TAF2: variants seen among roughly 807,000 people sequenced by gnomAD.
TAF2 encodes the protein transcription initiation factor TFIID subunit 2.
TAF2 carries 61 observed loss-of-function variants against 138.5 expected under a neutral mutation model. The ratio of observed to expected loss-of-function variants is 0.44; its 90% CI spans 0.36 to 0.54. TAF2 has a LOEUF of 0.54. Ranked by LOEUF, TAF2 falls within the 20% of genes least tolerant of loss-of-function variation. TAF2 has a pLI of 0.00. For missense variants in TAF2, 1,090 were observed against 1,427.9 expected, an observed-to-expected ratio of 0.76 and a Z score of 3.81; for synonymous variants, 475 against 469.9, an observed-to-expected ratio of 1.01 and a Z score of -0.14.
rs7003687 is a variant in TAF2 at position 119,819,616 on chromosome 8, T to C, written c.139-110A>G. 3.1e-4 allele frequency: 266 copies of C among 846,988 alleles called. 2 individuals are homozygous for C. In the East Asian group the frequency reaches 5.7e-3, roughly 18 times the overall value. The allele number at this position is 846,988 out of a possible 1,614,324, so 52.5% of individuals were successfully genotyped here. A position where few individuals can be genotyped will look rare whatever the true frequency, so the allele number is the denominator to read the frequency against. ...TATTATACTACAGAGACAAAATCCC[T>C]AATAGCTACATACATACATATGCTC... On this transcript the variant is annotated intron_variant, in intron 2 of 25. Coordinates refer to ENST00000378164, the MANE Select transcript of TAF2 (RefSeq NM_003184.4).
At chr8:119,821,034 T>C (rs1020140074) in intron 2 of TAF2, among the ~76,000 whole-genome samples, 2 of 148,870 alleles carry the variant, frequency 1.3e-5, no homozygotes, top group Admixed American at 6.7e-5. Context: ...ATTAAAGAAG[T>C]ACTGTCAACT....
chr8:119,822,169 T>C (rs1825840612), intron 2 of TAF2, among the ~76,000 whole-genome samples: 1 of 152,128 alleles, frequency 6.6e-6, no homozygotes, highest in African/African-American at 2.4e-5. Context: ...TGCTTCTTCA[T>C]TAATATCTAT....
intron 22 of TAF2, among the ~76,000 whole-genome samples, chr8:119,748,750 C>T (rs1171414654): frequency 6.6e-6 from 1 of 152,004 alleles, no homozygotes; most frequent in East Asian, 1.9e-4. Context: ...TTATCAGATT[C>T]CTGGGGCTTC....
At chr8:119,777,744 CAAATCTGATGTACT>C (rs1222305142) in intron 18 of TAF2, among the ~76,000 whole-genome samples, 1 of 152,088 alleles carries the variant, frequency 6.6e-6, no homozygotes, top group Non-Finnish European at 1.5e-5. Flanking sequence ...CTGGCTACCC[CAAATCTGATGTACT>C]ACTCTCTCCA....
intron 18 of TAF2, among the ~76,000 whole-genome samples, chr8:119,773,020 T>C (rs1396980189): frequency 6.7e-6 from 1 of 149,590 alleles, no homozygotes; most frequent in Non-Finnish European, 1.5e-5. Context: ...GTACCAAGAA[T>C]GTACTAAGCA....
chr8:119,767,881 T>C (rs894667049), intron 18 of TAF2, among the ~76,000 whole-genome samples: 3 of 152,158 alleles, frequency 2.0e-5, no homozygotes, highest in African/African-American at 7.2e-5. Context: ...GACCTGCCCT[T>C]TGGCTCCTGC....
intron 2 of TAF2, among the ~76,000 whole-genome samples, chr8:119,826,725 G>C (rs1406184726): frequency 3.3e-5 from 5 of 151,932 alleles, no homozygotes; most frequent in Non-Finnish European, 5.9e-5. Context: ...TGAGTAGCTG[G>C]GATTACAGGC....
In TAF2 at chr8:119,756,074, G is replaced by A. The variant is rs371910702; in HGVS notation, c.2810C>T (p.Thr937Ile). The A allele has an allele frequency of 4.3e-6, 7 of 1,613,502 alleles. No homozygotes were observed. The African/African-American group carries it at 8.0e-5, about 18-fold the overall frequency. ...GCATAAGGGAGACTCCATGTTCTTA[G>A]TAAATGGTGGGTTCTTAGTCAACAT... ...LNMLTKNPPFTKNMESPLCNE... is the reference protein window; with the variant it reads ...LNMLTKNPPFIKNMESPLCNE... The change falls in exon 22 of 26, where the codon ACT becomes ATT. Residue 937 changes from threonine to isoleucine, a missense_variant. Physicochemically the swap from Thr to Ile is moderately conservative, Grantham distance 89. Around this residue, in one of 3 missense-constraint regions of TAF2, gnomAD observed 580 missense variants for 719.6 expected, o/e 0.81. Coordinates refer to ENST00000378164, the MANE Select transcript of TAF2 (RefSeq NM_003184.4).
At chr8:119,815,593 A>G (rs1825406979) in intron 3 of TAF2, among the ~76,000 whole-genome samples, 1 of 152,140 alleles carries the variant, frequency 6.6e-6, no homozygotes, top group Non-Finnish European at 1.5e-5. Flanking sequence ...GTCTTAAAAA[A>G]AAAAGAAAAG....
chr8:119,827,132 T>C (rs1270700637), intron 2 of TAF2, among the ~76,000 whole-genome samples: 1 of 152,126 alleles, frequency 6.6e-6, no homozygotes, highest in African/African-American at 2.4e-5. Flanking sequence ...AGGTTGAGGC[T>C]GCAGTGAGCT....
At chr8:119,812,307 G>A (rs952297999) in intron 3 of TAF2, among the ~76,000 whole-genome samples, 4 of 151,598 alleles carry the variant, frequency 2.6e-5, no homozygotes, top group South Asian at 4.2e-4. Flanking sequence ...ACAGGGAGCC[G>A]AATGTGATTG....
At chr8:119,757,434 G>A (rs1416796042) in intron 21 of TAF2, among the ~76,000 whole-genome samples, 1 of 151,940 alleles carries the variant, frequency 6.6e-6, no homozygotes, top group Non-Finnish European at 1.5e-5. Context: ...AGTATTATAG[G>A]TAAATAACAT....
chr8:119,742,399 C>T (rs1379433164), intron 25 of TAF2, 135 bp downstream of exon 25: 8 of 1,066,324 alleles, frequency 7.5e-6, no homozygotes, highest in Non-Finnish European at 8.1e-6. Flanking sequence ...AATATAAGCT[C>T]AATGTATTAC....
chr8:119,788,858 T>G lies in TAF2; in HGVS notation c.1615A>C (p.Arg539=). ...TCCAGTTCCAAGACATTTCGTTTTC[T>G]ATTAAATGCAAAACTTCCATAAAAT... is the stretch of plus-strand genomic sequence containing the variant. ...VKFYGSFAFN[R]KRNVLELEIK... is the part of the protein sequence containing the mutation. Residue 539 remains arginine (R), a synonymous_variant, in exon 13 of 26, where the codon AGA becomes CGA. Coordinates refer to ENST00000378164, the MANE Select transcript of TAF2 (RefSeq NM_003184.4). 6.2e-7 allele frequency: 1 copy of G among 1,613,934 alleles called. No individual in the cohort carries two copies. The highest frequency in any genetic ancestry group is 8.5e-7 in the Non-Finnish European group (1 of 1,179,868).
intron 15 of TAF2, among the ~76,000 whole-genome samples, chr8:119,784,242 C>T (rs1226252203): frequency 6.6e-6 from 1 of 152,170 alleles, no homozygotes; most frequent in African/African-American, 2.4e-5. Context: ...AGGGTACTTG[C>T]TATGGAAAAA....
At position 119,742,669 on chromosome 8, in the gene TAF2, A is replaced by C. The variant is rs775334352; in HGVS notation, c.3215-13T>G. 1 of 1,613,590 alleles carries C rather than the reference A, an allele frequency of 6.2e-7. No individual in the cohort carries two copies. The highest frequency in any genetic ancestry group is 1.1e-5 in the South Asian group (1 of 91,038). On this transcript the variant is annotated splice_polypyrimidine_tract_variant and intron_variant, in intron 24 of 25. Coordinates refer to ENST00000378164, the MANE Select transcript of TAF2 (RefSeq NM_003184.4). ...TATTTCGAGAGCCCTAAAATGCCAAACAAGAGAAAAAAGAGGGATTTATTT... is the reference window on the plus strand; with the variant it reads ...TATTTCGAGAGCCCTAAAATGCCAACCAAGAGAAAAAAGAGGGATTTATTT...
rs1233413539 is a variant in TAF2 at position 119,742,567 on chromosome 8, G to A, written c.3304C>T (p.Gln1102Ter). ...GCDSTPTTKP[Q>*]WSLELARKGT... The stretch of plus-strand genomic sequence containing the variant: ...TTCCGTGCAAGTTCCAAACTCCACT[G>A]GGGTTTTGTGGTGGGTGTGCTGTCA... Residue 1102 changes from glutamine (Q) to a stop codon, truncating the protein, a stop_gained, in exon 25 of 26, where the codon CAG becomes TAG. Coordinates refer to ENST00000378164, the MANE Select transcript of TAF2 (RefSeq NM_003184.4). LOFTEE classifies it high-confidence loss of function. 1 of 1,613,868 alleles carries A rather than the reference G, an allele frequency of 6.2e-7. No individual in the cohort carries two copies. Among genetic ancestry groups the A allele is most frequent in the Non-Finnish European group, 8.5e-7 (1 of 1,179,980 alleles).
intron 22 of TAF2, among the ~76,000 whole-genome samples, chr8:119,754,848 T>C (rs1820591051): frequency 6.6e-6 from 1 of 152,182 alleles, no homozygotes; most frequent in Non-Finnish European, 1.5e-5. Context: ...TCTTTAAAGG[T>C]ACACATTTAT....
intron 19 of TAF2, among the ~76,000 whole-genome samples, chr8:119,760,982 T>C (rs571840344): frequency 6.6e-6 from 1 of 152,230 alleles, no homozygotes; most frequent in African/African-American, 2.4e-5. Context: ...ATATTTTTAA[T>C]ATGTTTAGTG....
Sources: allele counts gnomAD v4.1 joint callset (sites outside exome capture counted in the v4.1 genomes callset), GRCh38; gene constraint gnomAD v4.1.1; regional missense constraint gnomAD v4.1.1; transcripts MANE v1.5; gene names NCBI Gene and HGNC (gene_info 2026-07-23, HGNC 2026-07-21).